SPECC1: variants seen among roughly 807,000 people sequenced by gnomAD.
The protein encoded by SPECC1 is sperm antigen with calponin homology and coiled-coil domains 1.
SPECC1 carries 62 observed loss-of-function variants against 104.1 expected under a neutral mutation model. The ratio of observed to expected loss-of-function variants is 0.60; its 90% confidence interval spans 0.49 to 0.74. The LOEUF is 0.74. Among genes scored for constraint, SPECC1 ranks in the 30% least tolerant of loss-of-function variants. SPECC1 has a pLI of 0.00. For synonymous variants in SPECC1, 513 were observed against 501.6 expected, an observed-to-expected ratio of 1.02 and a Z score of -0.30; for missense variants, 1,306 against 1,310.5, an observed-to-expected ratio of 1.00 and a Z score of 0.05.
chr17:20,038,711 T>C (rs9909242), intron 1 of SPECC1, among the ~76,000 whole-genome samples: 10,520 of 152,276 alleles, frequency 0.069, 991 homozygotes, highest in African/African-American at 0.21. Context: ...TATTCATTTT[T>C]AGTCAGTTTA....
chr17:20,268,728 C>A (rs1028152871), intron 12 of SPECC1, among the ~76,000 whole-genome samples: 3 of 152,172 alleles, frequency 2.0e-5, no homozygotes, highest in African/African-American at 7.2e-5. Context: ...TGTCCTACAA[C>A]CTGTGACAAC....
At chr17:20,258,902 C>T (rs1177415365) in intron 11 of SPECC1, among the ~76,000 whole-genome samples, 1 of 152,154 alleles carries the variant, frequency 6.6e-6, no homozygotes, top group African/African-American at 2.4e-5. Flanking sequence ...CAGTACATGC[C>T]ATTGTCTCCA....
intron 3 of SPECC1, among the ~76,000 whole-genome samples, chr17:20,133,574 A>G (rs2049769407): frequency 1.3e-5 from 2 of 152,004 alleles, no homozygotes. Context: ...ATTTACATAT[A>G]CATAAATTTG....
In SPECC1 at chr17:20,245,820, C is replaced by T. The variant is rs2039398221; in HGVS notation, c.2352-106C>T. On this transcript the variant is annotated intron_variant, in intron 7 of 14. Coordinates refer to ENST00000395527, the MANE Select transcript of SPECC1 (RefSeq NM_001243439.2). ...GGATGTTAAATTCAGAATTTCCCTT[C>T]CAGCTTCATTTATTTTCTCCACATC... The T allele has an allele frequency of 9.1e-6, 12 of 1,314,692 alleles. No homozygotes were observed. The South Asian group carries it at 1.6e-4, about 18-fold the overall frequency. The allele number at this position is 1,314,692 out of a possible 1,614,324, so 81.4% of individuals were successfully genotyped here. A position where few individuals can be genotyped will look rare whatever the true frequency, so the allele number is the denominator to read the frequency against.
intron 1 of SPECC1, among the ~76,000 whole-genome samples, chr17:20,046,820 C>T (rs1042832419): frequency 6.8e-6 from 1 of 146,296 alleles, no homozygotes; most frequent in Admixed American, 7.1e-5. Context: ...GAGGCCAGGG[C>T]TGCTAGGGTA....
At chr17:20,040,758 C>T (rs1597602334) in intron 1 of SPECC1, among the ~76,000 whole-genome samples, 1 of 152,102 alleles carries the variant, frequency 6.6e-6, no homozygotes, top group African/African-American at 2.4e-5. Context: ...TTTCTCTTTT[C>T]GTCTTTTCAG....
At chr17:20,278,940 C>G (rs1237548399) in intron 12 of SPECC1, among the ~76,000 whole-genome samples, 1 of 152,144 alleles carries the variant, frequency 6.6e-6, no homozygotes, top group Admixed American at 6.5e-5. Flanking sequence ...ATTTAAGTCC[C>G]TTGGTCTTCT....
intron 1 of SPECC1, chr17:20,017,141 G>A (rs1037910671): frequency 5.9e-5 from 9 of 152,300 alleles, no homozygotes; most frequent in African/African-American, 2.2e-4. Context: ...CCCGAGCCAA[G>A]AGTGGTAACG....
chr17:20,108,297 C>A (rs1597719575), intron 2 of SPECC1, among the ~76,000 whole-genome samples: 1 of 150,140 alleles, frequency 6.7e-6, no homozygotes, highest in South Asian at 2.1e-4. Context: ...GCCTAAATTG[C>A]AAACTTCCTT....
intron 2 of SPECC1, among the ~76,000 whole-genome samples, chr17:20,108,091 TA>T (rs1176975592): frequency 2.6e-5 from 4 of 152,220 alleles, no homozygotes; most frequent in Non-Finnish European, 4.4e-5. Context: ...TTTGTGATGG[TA>T]AAAATTTCTG....
chr17:20,307,066 A>G (rs992166550), intron 14 of SPECC1, among the ~76,000 whole-genome samples: 2 of 152,224 alleles, frequency 1.3e-5, no homozygotes, highest in Non-Finnish European at 2.9e-5. Flanking sequence ...TTAAGACCAC[A>G]ATATGTGTTG....
chr17:20,197,651 C>A (rs1199597143), intron 3 of SPECC1, among the ~76,000 whole-genome samples: 2 of 152,148 alleles, frequency 1.3e-5, no homozygotes, highest in African/African-American at 2.4e-5. Flanking sequence ...AGTACTGCCA[C>A]ATGGTTACAA....
At chr17:20,308,630 A>G (rs2041842058) in intron 14 of SPECC1, among the ~76,000 whole-genome samples, 3 of 152,314 alleles carry the variant, frequency 2.0e-5, no homozygotes, top group South Asian at 2.1e-4. Context: ...GAAGAGGTTG[A>G]ATTTATGCTT....
chr17:20,254,969 G>A (rs1016995565), intron 10 of SPECC1, among the ~76,000 whole-genome samples: 2 of 152,090 alleles, frequency 1.3e-5, no homozygotes, highest in Non-Finnish European at 2.9e-5. Flanking sequence ...CCCATTCCTC[G>A]AGTTTTACAT....
intron 1 of SPECC1, among the ~76,000 whole-genome samples, chr17:20,083,934 T>G (rs2152493470): frequency 6.6e-6 from 1 of 152,286 alleles, no homozygotes; most frequent in African/African-American, 2.4e-5. Flanking sequence ...TTCTAGTAGG[T>G]GTGTAGTGAT....
chr17:20,198,422 C>T (rs1193672975), intron 3 of SPECC1, among the ~76,000 whole-genome samples: 1 of 152,198 alleles, frequency 6.6e-6, no homozygotes, highest in Non-Finnish European at 1.5e-5. Flanking sequence ...GGTGGCTGCT[C>T]CTCAGTAGCA....
chr17:20,039,147 C>T (rs942564458), intron 1 of SPECC1, among the ~76,000 whole-genome samples: 7 of 152,236 alleles, frequency 4.6e-5, no homozygotes, highest in Admixed American at 1.3e-4. Context: ...CTTCGGCAAT[C>T]ACTAGTGAGC....
intron 1 of SPECC1, among the ~76,000 whole-genome samples, chr17:20,029,184 CT>C (rs74893166): frequency 0.095 from 14,395 of 152,136 alleles, 776 homozygotes; most frequent in Non-Finnish European, 0.12. Context: ...CCTTTAATTT[CT>C]TTTAACAGTG....
chr17:20,206,056 G>A, intron 4 of SPECC1, 144 bp downstream of exon 4: 1 of 1,189,302 alleles, frequency 8.4e-7, no homozygotes, highest in South Asian at 1.5e-5. Context: ...AGGCCTGTTA[G>A]ATTGCACACA....
Sources: allele counts gnomAD v4.1 joint callset (sites outside exome capture counted in the v4.1 genomes callset), GRCh38; gene constraint gnomAD v4.1.1; transcripts MANE v1.5; gene names NCBI Gene and HGNC (gene_info 2026-07-23, HGNC 2026-07-21).